Variants in FAM81A observed in about 807,000 individuals in gnomAD.
FAM81A encodes the protein family with sequence similarity 81 member A, also known as protein FAM81A.
A neutral mutation model predicts 46.7 loss-of-function variants in FAM81A; 19 were observed. The observed-to-expected ratio is 0.41, with a 90% CI of 0.28 to 0.60. The LOEUF is 0.60. FAM81A is among the 20% of genes least tolerant of loss of function. FAM81A has a pLI of 0.34. For synonymous variants in FAM81A, 183 were observed against 152.9 expected, an observed-to-expected ratio of 1.20 and a Z score of -1.45; for missense variants, 377 against 453.5, an observed-to-expected ratio of 0.83 and a Z score of 1.53.
chr15:59,519,736 G>A (rs908881720), intron 8 of FAM81A, among the ~76,000 whole-genome samples: 1 of 151,674 alleles, frequency 6.6e-6, no homozygotes, highest in Non-Finnish European at 1.5e-5. Flanking sequence ...CAAATGGCAG[G>A]CTCTCCTTTT....
chr15:59,409,251 C>A (rs533806902), intron 2 of FAM81A, among the ~76,000 whole-genome samples: 2 of 152,148 alleles, frequency 1.3e-5, no homozygotes, highest in African/African-American at 2.4e-5. Context: ...GGGGCTCTCA[C>A]TCTCCTGCCT....
Position 59,522,754 on chromosome 15 carries a change from A to T in FAM81A, c.*1376A>T, listed in dbSNP as rs566775451. On this transcript the variant is annotated 3_prime_UTR_variant, in exon 9 of 9. Transcript: ENST00000288228. ...TGTTTGCCAAGGACTCAGGAAAATA[A>T]AAAGCATTTTCTATTTTTAGGACAA... is the stretch of plus-strand genomic sequence containing the variant. 1 of 152,794 alleles carries T rather than the reference A, an allele frequency of 6.5e-6. No individual in the cohort carries two copies. The highest frequency in any genetic ancestry group is 2.4e-5 in the African/African-American group (1 of 41,596). 9.5% of individuals were successfully genotyped at this position (152,794 alleles called of 1,614,324 possible). A position where few individuals can be genotyped will look rare whatever the true frequency, so the allele number is the denominator to read the frequency against.
intron 3 of FAM81A, among the ~76,000 whole-genome samples, chr15:59,489,266 A>AATATATAC (rs2081955636): frequency 6.9e-6 from 1 of 144,138 alleles, no homozygotes; most frequent in Non-Finnish European, 1.5e-5. Flanking sequence ...CTCCATCTCA[A>AATATATAC]ATACATACAT....
chr15:59,484,891 C>T (rs575664152), intron 3 of FAM81A, among the ~76,000 whole-genome samples: 3 of 152,202 alleles, frequency 2.0e-5, no homozygotes, highest in East Asian at 1.9e-4. Flanking sequence ...AAGGCGGGCC[C>T]GCTGCTCTGA....
intron 3 of FAM81A, among the ~76,000 whole-genome samples, chr15:59,472,465 C>G (rs1278656530): frequency 1.3e-5 from 2 of 152,166 alleles, no homozygotes; most frequent in African/African-American, 4.8e-5. Flanking sequence ...GCTAGTAGTT[C>G]CTGCTGCTTG....
At chr15:59,478,174 C>T (rs1440705060) in intron 3 of FAM81A, among the ~76,000 whole-genome samples, 1 of 152,070 alleles carries the variant, frequency 6.6e-6, no homozygotes, top group Admixed American at 6.6e-5. Flanking sequence ...TGTCTCTGGC[C>T]TTTGGGAACC....
chr15:59,474,300 G>C (rs970570678), intron 3 of FAM81A, among the ~76,000 whole-genome samples: 3 of 152,122 alleles, frequency 2.0e-5, no homozygotes, highest in Non-Finnish European at 4.4e-5. Context: ...CCTGAGATTG[G>C]GTAATTTATA....
chr15:59,450,404 A>G (rs1463707253), intron 1 of FAM81A, among the ~76,000 whole-genome samples: 1 of 152,076 alleles, frequency 6.6e-6, no homozygotes, highest in Non-Finnish European at 1.5e-5. Flanking sequence ...ACATTTGGAA[A>G]GTTTTTGAGG....
chr15:59,425,848 C>A (rs550418522), intron 2 of FAM81A, among the ~76,000 whole-genome samples: 1 of 152,290 alleles, frequency 6.6e-6, no homozygotes, highest in East Asian at 1.9e-4. Context: ...TTGTCTTGAA[C>A]TCCTGGCCTC....
intron 3 of FAM81A, among the ~76,000 whole-genome samples, chr15:59,463,635 G>A (rs565138581): frequency 6.6e-6 from 1 of 151,876 alleles, no homozygotes; most frequent in South Asian, 2.1e-4. Context: ...TTGAACACAG[G>A]AATTTGAGAC....
chr15:59,484,646 G>C (rs1046946265), intron 3 of FAM81A, among the ~76,000 whole-genome samples: 3 of 152,198 alleles, frequency 2.0e-5, no homozygotes, highest in East Asian at 3.8e-4. Flanking sequence ...ATGGGCCTTG[G>C]GTAAGACTCA....
intron 3 of FAM81A, among the ~76,000 whole-genome samples, chr15:59,491,566 A>C (rs2081981962): frequency 6.6e-6 from 1 of 152,224 alleles, no homozygotes; most frequent in Non-Finnish European, 1.5e-5. Context: ...TAACTAAAAG[A>C]GTATAATTGG....
At chr15:59,444,549 G>A (rs1237330021) in intron 1 of FAM81A, among the ~76,000 whole-genome samples, 1 of 152,194 alleles carries the variant, frequency 6.6e-6, no homozygotes, top group Non-Finnish European at 1.5e-5. Context: ...CTGAATGTGA[G>A]AGGAGTAGTT....
rs187632747 is a variant in FAM81A, at chr15:59,427,577, T to C, written c.-78+25219T>C. ...CCCCACTCTCCTTCCTAGCATCTGG[T>C]AACTGCCATTCTACCGTCTATCTCC... is the stretch of plus-strand genomic sequence containing the variant. On this transcript the variant is annotated intron_variant, in intron 2 of 4. Transcript: ENST00000558348. Among the ~76,000 whole-genome samples the C allele has an allele frequency of 2.1e-3, 325 of 152,330 alleles. 2 individuals carry two copies. The highest frequency in any genetic ancestry group is 3.7e-3 in the Non-Finnish European group (253 of 68,024).
At chr15:59,443,935 C>T (rs1467311971) in intron 1 of FAM81A, 1 of 152,510 alleles carries the variant, frequency 6.6e-6, no homozygotes, top group Non-Finnish European at 1.5e-5. Context: ...CTGCTTTGCC[C>T]CGTCTCCACC....
intron 4 of FAM81A, among the ~76,000 whole-genome samples, chr15:59,496,694 T>G (rs2141773644): frequency 6.6e-6 from 1 of 152,354 alleles, no homozygotes; most frequent in East Asian, 1.9e-4. Context: ...TCAATTATTT[T>G]CTTATGCTGG....
intron 8 of FAM81A, among the ~76,000 whole-genome samples, chr15:59,518,744 T>G (rs1285341839): frequency 6.6e-6 from 1 of 152,154 alleles, no homozygotes; most frequent in Non-Finnish European, 1.5e-5. Flanking sequence ...GTGCCATTAT[T>G]TCCTTTATAG....
chr15:59,422,444 C>T (rs2081178244), intron 2 of FAM81A, among the ~76,000 whole-genome samples: 1 of 151,912 alleles, frequency 6.6e-6, no homozygotes, highest in Admixed American at 6.6e-5. Flanking sequence ...TGTATGTTCA[C>T]ACCTCTATCT....
At chr15:59,423,209 T>C (rs2081181897) in intron 2 of FAM81A, among the ~76,000 whole-genome samples, 1 of 152,186 alleles carries the variant, frequency 6.6e-6, no homozygotes, top group Non-Finnish European at 1.5e-5. Context: ...GCCATTCTCC[T>C]GCCTCAGCCT....
Sources: allele counts gnomAD v4.1 joint callset (sites outside exome capture counted in the v4.1 genomes callset), GRCh38; gene constraint gnomAD v4.1.1; transcripts MANE v1.5; gene names NCBI Gene and HGNC (gene_info 2026-07-23, HGNC 2026-07-21).